The following CACNA1E variants were observed in gnomAD, a reference collection of about 807,000 sequenced individuals.
CACNA1E encodes voltage-dependent R-type calcium channel subunit alpha-1E.
A neutral mutation model predicts 259.2 loss-of-function variants in CACNA1E; 40 were observed. The observed-to-expected ratio is 0.15, with a 90% CI of 0.12 to 0.20. The LOEUF (loss-of-function observed/expected upper bound fraction) is 0.20. Ranked by LOEUF, CACNA1E falls within the 10% of genes least tolerant of loss-of-function variation. The probability of loss-of-function intolerance (pLI) is 1.00; values close to 1 mark genes in which losing one functional copy is unlikely to be tolerated. For synonymous variants in CACNA1E, 1,104 were observed against 1,138.5 expected, an observed-to-expected ratio of 0.97 and a Z score of 0.61; for missense variants, 1,874 against 3,040.1, an observed-to-expected ratio of 0.62 and a Z score of 9.02.
chr1:181,386,029 C>A (rs1017110927), intron 1 of CACNA1E, among the ~76,000 whole-genome samples: 1 of 152,128 alleles, frequency 6.6e-6, no homozygotes, highest in African/African-American at 2.4e-5. Flanking sequence ...TGATGGTTGA[C>A]AATCAACAAC....
intron 2 of CACNA1E, among the ~76,000 whole-genome samples, chr1:181,439,916 G>A (rs1174519161): frequency 6.6e-6 from 1 of 152,216 alleles, no homozygotes; most frequent in Non-Finnish European, 1.5e-5. Context: ...GGGGACAGAA[G>A]TCTAGGGGGC....
chr1:181,595,559 T>C (rs950515314), intron 6 of CACNA1E, among the ~76,000 whole-genome samples: 13 of 152,128 alleles, frequency 8.5e-5, no homozygotes, highest in Admixed American at 6.5e-5. Context: ...GGTCTCCCAC[T>C]CTCCTCTCTC....
chr1:181,677,903 T>C (rs961327390), intron 7 of CACNA1E, among the ~76,000 whole-genome samples: 3 of 152,096 alleles, frequency 2.0e-5, no homozygotes, highest in Non-Finnish European at 1.5e-5. Context: ...AAAAACGATA[T>C]TGAATATGAG....
chr1:181,395,721 GA>G (rs1244039265), intron 1 of CACNA1E, among the ~76,000 whole-genome samples: 2 of 152,200 alleles, frequency 1.3e-5, no homozygotes, highest in African/African-American at 4.8e-5. Context: ...AATCGAGGCA[GA>G]AGAAGAAAAG....
chr1:181,778,553 CA>C (rs1232376426), intron 38 of CACNA1E, among the ~76,000 whole-genome samples: 2 of 152,208 alleles, frequency 1.3e-5, no homozygotes, highest in African/African-American at 4.8e-5. Flanking sequence ...TACAGACCTG[CA>C]GATCCCTGGG....
chr1:181,646,811 C>A (rs958008623), intron 6 of CACNA1E, among the ~76,000 whole-genome samples: 5 of 152,196 alleles, frequency 3.3e-5, no homozygotes, highest in Non-Finnish European at 7.3e-5. Context: ...GTGATAATTA[C>A]CATGTGTGCC....
chr1:181,354,748 A>C (rs910223759), intron 1 of CACNA1E, among the ~76,000 whole-genome samples: 1 of 152,024 alleles, frequency 6.6e-6, no homozygotes, highest in African/African-American at 2.4e-5. Flanking sequence ...TTTAGGGAGG[A>C]GAGGGTTTGG....
chr1:181,342,065 CT>C lies in CACNA1E; in HGVS notation c.-15+23943del, dbSNP rs143359783. Among the ~76,000 whole-genome samples the C allele has an allele frequency of 6.8e-3, 1,037 of 152,192 alleles. 8 individuals carry two copies. The highest frequency in any genetic ancestry group is 0.011 in the Non-Finnish European group (748 of 68,016). ...CAAATGAAGTGGTCAAGGGAGTGGTCTGAGGAAGTGATATTTGACTCTAGAC... is the reference window on the plus strand; with the variant it reads ...CAAATGAAGTGGTCAAGGGAGTGGTCGAGGAAGTGATATTTGACTCTAGAC... On this transcript the variant is annotated intron_variant, in intron 1 of 11. Coordinates refer to the CACNA1E transcript ENST00000524607.
chr1:181,465,112 G>A (rs956920151), intron 2 of CACNA1E, among the ~76,000 whole-genome samples: 1 of 151,732 alleles, frequency 6.6e-6, no homozygotes, highest in African/African-American at 2.4e-5. Flanking sequence ...TCTTTATTTC[G>A]AGTCATAATT....
chr1:181,524,346 G>T (rs893873711), intron 3 of CACNA1E, among the ~76,000 whole-genome samples: 3 of 152,200 alleles, frequency 2.0e-5, no homozygotes, highest in Admixed American at 2.0e-4. Flanking sequence ...ATGTATGTGT[G>T]GTCCTAAGGC....
chr1:181,685,162 A>G (rs1280220684), intron 7 of CACNA1E, among the ~76,000 whole-genome samples: 1 of 144,942 alleles, frequency 6.9e-6, no homozygotes, highest in Non-Finnish European at 1.5e-5. Context: ...TCCCAGGAGC[A>G]TGCTTACAAA....
chr1:181,532,118 C>T (rs1026401637), intron 3 of CACNA1E, among the ~76,000 whole-genome samples: 2 of 152,160 alleles, frequency 1.3e-5, no homozygotes, highest in Non-Finnish European at 2.9e-5. Flanking sequence ...TTGATCAGGA[C>T]TCTGAGGAGG....
intron 1 of CACNA1E, among the ~76,000 whole-genome samples, chr1:181,495,589 T>G (rs751637777): frequency 2.6e-5 from 4 of 152,222 alleles, no homozygotes; most frequent in Admixed American, 6.5e-5. Flanking sequence ...TTTCCAACAA[T>G]GCTGTCCTAC....
At chr1:181,771,671 C>A in intron 36 of CACNA1E, 2 of 483,384 alleles carry the variant, frequency 4.1e-6, no homozygotes, top group Non-Finnish European at 7.3e-6. Flanking sequence ...TCATCAATGT[C>A]TTTGGCTCAG....
intron 2 of CACNA1E, among the ~76,000 whole-genome samples, chr1:181,433,796 A>G (rs1282181777): frequency 6.6e-6 from 1 of 152,248 alleles, no homozygotes; most frequent in Non-Finnish European, 1.5e-5. Flanking sequence ...GTTTGAAAAC[A>G]TCATTTGTAA....
intron 7 of CACNA1E, among the ~76,000 whole-genome samples, chr1:181,678,455 G>A (rs942538376): frequency 9.9e-5 from 15 of 152,076 alleles, no homozygotes; most frequent in African/African-American, 3.6e-4. Context: ...AATAAAACAG[G>A]TACTGTTTAT....
chr1:181,738,796 C>T (rs560118927), intron 24 of CACNA1E, among the ~76,000 whole-genome samples: 19 of 152,330 alleles, frequency 1.2e-4, no homozygotes, highest in African/African-American at 4.6e-4. Context: ...GTCCCAGCCA[C>T]CACAACACTC....
chr1:181,426,934 C>T lies in CACNA1E; in HGVS notation c.434+13354C>T, dbSNP rs570625686. Reference sequence around the variant, plus strand: ...CCATCTCAACCCTTCACAGCTCAACCGCTGCCCATCTCAACCCCTTCACAA... The same window carrying T: ...CCATCTCAACCCTTCACAGCTCAACTGCTGCCCATCTCAACCCCTTCACAA... On this transcript the variant is annotated intron_variant, in intron 2 of 11. Coordinates refer to the CACNA1E transcript ENST00000524607. 1.7e-4 allele frequency among the ~76,000 whole-genome samples: 26 copies of T among 149,968 alleles called. 1 individual carries two copies. The highest frequency in any genetic ancestry group is 1.9e-4 in the Non-Finnish European group (13 of 67,350).
chr1:181,612,562 A>T (rs371675606), intron 6 of CACNA1E, among the ~76,000 whole-genome samples: 4 of 152,190 alleles, frequency 2.6e-5, no homozygotes, highest in African/African-American at 9.7e-5. Flanking sequence ...CTCTCACTAG[A>T]GGCTTCCTGG....
Sources: allele counts gnomAD v4.1 joint callset (sites outside exome capture counted in the v4.1 genomes callset), GRCh38; gene constraint gnomAD v4.1.1; transcripts MANE v1.5; gene names NCBI Gene and HGNC (gene_info 2026-07-23, HGNC 2026-07-21).